GTF2A1L: variants seen among roughly 807,000 people sequenced by gnomAD.
The protein encoded by GTF2A1L is general transcription factor IIA subunit 1 like.
Under a neutral mutation model 49.7 loss-of-function variants are expected in GTF2A1L, and 48 were observed. The ratio of observed to expected loss-of-function variants is 0.97; its 90% CI spans 0.77 to 1.23. The LOEUF (loss-of-function observed/expected upper bound fraction) is 1.23. Among genes scored for constraint, GTF2A1L ranks in the 50% most tolerant of loss-of-function variants. The pLI is 0.00. For synonymous variants in GTF2A1L, 246 were observed against 193.5 expected, an observed-to-expected ratio of 1.27 and a Z score of -2.25; for missense variants, 736 against 564.8, an observed-to-expected ratio of 1.30 and a Z score of -3.07.
At chr2:48,633,518 A>G (rs1165651338) in intron 3 of GTF2A1L, among the ~76,000 whole-genome samples, 1 of 152,086 alleles carries the variant, frequency 6.6e-6, no homozygotes, top group African/African-American at 2.4e-5. Context: ...GGTTGGTATG[A>G]TAATTTTTTT....
At position 48,669,799 on chromosome 2, in the gene GTF2A1L, C is replaced by G; in HGVS notation, c.1056C>G (p.Ser352Arg). 6.2e-7 allele frequency: 1 copy of G among 1,613,846 alleles called. No homozygotes were observed. The highest frequency in any genetic ancestry group is 8.5e-7 in the Non-Finnish European group (1 of 1,179,916). ...DIGEIIQVDGSGDTSSNEEIG... is the reference protein window; with the variant it reads ...DIGEIIQVDGRGDTSSNEEIG... ...GTGAAATAATTCAAGTAGATGGAAG[C>G]GGTGATACATCTTCCAATGAAGAAA... Residue 352 changes from serine to arginine, a missense_variant, in exon 7 of 9, where the codon AGC becomes AGG. Physicochemically the swap from Ser to Arg is moderately radical, Grantham distance 110. Coordinates refer to ENST00000403751, the MANE Select transcript of GTF2A1L (RefSeq NM_006872.5).
chr2:48,653,322 A>G (rs1426045507), intron 6 of GTF2A1L, among the ~76,000 whole-genome samples: 1 of 152,096 alleles, frequency 6.6e-6, no homozygotes, highest in Non-Finnish European at 1.5e-5. Flanking sequence ...GATTTACCAT[A>G]TGAATTTTGG....
intron 6 of GTF2A1L, among the ~76,000 whole-genome samples, chr2:48,669,157 T>C (rs1458345202): frequency 1.3e-5 from 2 of 152,118 alleles, no homozygotes; most frequent in East Asian, 3.9e-4. Flanking sequence ...AAACAGAAAC[T>C]CTGTACTCAT....
chr2:48,677,446 A>G (rs1679529345), intron 8 of GTF2A1L, among the ~76,000 whole-genome samples: 1 of 151,940 alleles, frequency 6.6e-6, no homozygotes, highest in African/African-American at 2.4e-5. Context: ...AAGAAATACA[A>G]AAGTCCTGAG....
intron 8 of GTF2A1L, among the ~76,000 whole-genome samples, chr2:48,677,752 G>A (rs1270578901): frequency 6.6e-6 from 1 of 152,022 alleles, no homozygotes; most frequent in Non-Finnish European, 1.5e-5. Flanking sequence ...AAGAGTAACA[G>A]TAGTGGAAGT....
Position 48,627,996 on chromosome 2 carries a change from A to G in GTF2A1L, c.247+6706A>G, listed in dbSNP as rs563301469. ...GTGGTATTTGTTTTTCTGTTCCTGC[A>G]TTAATTCACTTAGGATACCAGCCTC... On this transcript the variant is annotated intron_variant, in intron 3 of 8. Transcript: ENST00000403751. Among the ~76,000 whole-genome samples the G allele has an allele frequency of 2.1e-5, 3 of 144,112 alleles. 1 individual carries two copies. The South Asian group carries it at 7.1e-4, about 34-fold the overall frequency. The allele number at this position is 144,112 out of a possible 152,430, so 94.5% of individuals were successfully genotyped here.
chr2:48,667,890 C>T (rs1008270030), intron 6 of GTF2A1L, among the ~76,000 whole-genome samples: 15 of 152,100 alleles, frequency 9.9e-5, no homozygotes, highest in Non-Finnish European at 2.1e-4. Flanking sequence ...TATTAAACAT[C>T]ACCCATGACT....
chr2:48,672,249 T>C (rs921724271), intron 8 of GTF2A1L, among the ~76,000 whole-genome samples: 1 of 152,216 alleles, frequency 6.6e-6, no homozygotes, highest in Non-Finnish European at 1.5e-5. Flanking sequence ...TGAATGGATG[T>C]AGTATGTACA....
intron 6 of GTF2A1L, among the ~76,000 whole-genome samples, chr2:48,667,108 C>A (rs1253355571): frequency 7.5e-6 from 1 of 133,376 alleles, no homozygotes; most frequent in South Asian, 2.4e-4. Context: ...ACCACCACTC[C>A]CAGCTAATTT....
chr2:48,679,498 T>A lies in GTF2A1L; in HGVS notation c.*56T>A. On this transcript the variant is annotated 3_prime_UTR_variant, in exon 9 of 9. Transcript: ENST00000403751. ...AACATCAGTTGGATTATATTGCATA[T>A]TGTGAATTCATTTTTATTTTGAATA... 1 of 1,595,380 alleles carries A rather than the reference T, an allele frequency of 6.3e-7. No homozygotes were observed. The highest frequency in any genetic ancestry group is 8.5e-7 in the Non-Finnish European group (1 of 1,174,212).
At position 48,621,250 on chromosome 2, in the gene GTF2A1L, G is replaced by T. The variant is rs774701248; in HGVS notation, c.207G>T (p.Gln69His). The T allele has an allele frequency of 2.5e-6, 4 of 1,613,884 alleles. No individual in the cohort carries two copies. Among genetic ancestry groups the T allele is most frequent in the African/African-American group, 2.7e-5 (2 of 74,838 alleles). ...TCCAATCACCTCTGTTTACTCTTCAGTTGCCGCACAGCTTGCACCAAACAT... is the reference window on the plus strand; with the variant it reads ...TCCAATCACCTCTGTTTACTCTTCATTTGCCGCACAGCTTGCACCAAACAT... ...NSIQSPLFTL[Q>H]LPHSLHQTLQ... The change falls in exon 3 of 9, where the codon CAG becomes CAT. Residue 69 changes from glutamine to histidine, a missense_variant. Gln to His is a conservative substitution (Grantham distance 24). Transcript: ENST00000403751.
intron 1 of GTF2A1L, among the ~76,000 whole-genome samples, chr2:48,619,957 C>A (rs914132019): frequency 1.3e-5 from 2 of 152,044 alleles, no homozygotes; most frequent in Non-Finnish European, 2.9e-5. Context: ...GGTAGGAAAT[C>A]CGTTTTGGAA....
In GTF2A1L at chr2:48,679,529, C is replaced by T. The variant is rs1679655996; in HGVS notation, c.*87C>T. On this transcript the variant is annotated 3_prime_UTR_variant, in exon 9 of 9. Transcript: ENST00000403751. ...ATTCATTTTTATTTTGAATATAGTC[C>T]AGCACAGAGCTGTTCAAATTTTTAG... The T allele has an allele frequency of 4.6e-6, 7 of 1,525,986 alleles. No individual in the cohort carries two copies. In the Admixed American group the frequency reaches 1.5e-4, roughly 32 times the overall value. The allele number at this position is 1,525,986 out of a possible 1,614,324, so 94.5% of individuals were successfully genotyped here. A position where few individuals can be genotyped will look rare whatever the true frequency, so the allele number is the denominator to read the frequency against.
intron 1 of GTF2A1L, among the ~76,000 whole-genome samples, chr2:48,619,811 T>C (rs995219490): frequency 6.6e-5 from 10 of 152,172 alleles, no homozygotes; most frequent in African/African-American, 2.4e-4. Flanking sequence ...CTATAACTAG[T>C]GTTTAATCTG....
At chr2:48,618,331 G>A (rs1675778809) in intron 1 of GTF2A1L, among the ~76,000 whole-genome samples, 1 of 152,110 alleles carries the variant, frequency 6.6e-6, no homozygotes, top group African/African-American at 2.4e-5. Context: ...TGTTTTTAGT[G>A]TCTTTCACTA....
chr2:48,665,009 C>T (rs980228749), intron 6 of GTF2A1L, among the ~76,000 whole-genome samples: 2 of 152,018 alleles, frequency 1.3e-5, no homozygotes, highest in Non-Finnish European at 2.9e-5. Flanking sequence ...GCAACCAGCA[C>T]CTCCTGGGTT....
intron 3 of GTF2A1L, among the ~76,000 whole-genome samples, chr2:48,629,233 T>A (rs1676451467): frequency 7.2e-6 from 1 of 138,642 alleles, no homozygotes; most frequent in East Asian, 2.0e-4. Context: ...AGAGCGAGAC[T>A]CCGTCTCAAA....
chr2:48,650,103 A>G (rs900905283), intron 6 of GTF2A1L, among the ~76,000 whole-genome samples: 1 of 152,180 alleles, frequency 6.6e-6, no homozygotes, highest in Non-Finnish European at 1.5e-5. Context: ...CACCTGAAGT[A>G]TGTCTGTCAT....
chr2:48,674,787 T>C (rs978109828), intron 8 of GTF2A1L, among the ~76,000 whole-genome samples: 4 of 152,182 alleles, frequency 2.6e-5, no homozygotes, highest in African/African-American at 9.7e-5. Context: ...TGTTTTATCA[T>C]ATATTATCTT....
Sources: gnomAD v4.1 joint callset for allele counts (sites outside exome capture counted in the v4.1 genomes callset) on GRCh38, gnomAD v4.1.1 for gene constraint, MANE v1.5 for transcripts, NCBI Gene and HGNC (gene_info 2026-07-23, HGNC 2026-07-21) for gene names.